Variants in CNTNAP5 observed in about 807,000 individuals in gnomAD.
CNTNAP5 encodes contactin-associated protein-like 5.
CNTNAP5 carries 72 observed loss-of-function variants against 150.2 expected under a neutral mutation model. The observed-to-expected ratio is 0.48, with a 90% CI of 0.40 to 0.58. The LOEUF is 0.58. Among genes scored for constraint, CNTNAP5 ranks in the 20% least tolerant of loss-of-function variants. CNTNAP5 has a pLI of 0.00. For missense variants in CNTNAP5, 1,636 were observed against 1,626.2 expected (o/e 1.01, Z -0.10); for synonymous variants, 672 against 619.8 (o/e 1.08, Z -1.25).
At chr2:124,645,572 C>G (rs1678186476) in intron 12 of CNTNAP5, among the ~76,000 whole-genome samples, 1 of 151,994 alleles carries the variant, frequency 6.6e-6, no homozygotes, top group Non-Finnish European at 1.5e-5. Flanking sequence ...TGTATCTAAA[C>G]AATAAAATAT....
chr2:124,855,318 C>T (rs1365203851), intron 19 of CNTNAP5, among the ~76,000 whole-genome samples: 1 of 151,974 alleles, frequency 6.6e-6, no homozygotes, highest in Non-Finnish European at 1.5e-5. Context: ...GCTGAGATTA[C>T]AGGCATGTGC....
At chr2:124,532,490 G>A (rs1216738190) in intron 10 of CNTNAP5, among the ~76,000 whole-genome samples, 1 of 152,158 alleles carries the variant, frequency 6.6e-6, no homozygotes, top group East Asian at 1.9e-4. Flanking sequence ...AGGAGAGACA[G>A]ATTAGCAAAT....
At chr2:124,310,986 C>G (rs1688814476) in intron 3 of CNTNAP5, among the ~76,000 whole-genome samples, 1 of 152,138 alleles carries the variant, frequency 6.6e-6, no homozygotes, top group Non-Finnish European at 1.5e-5. Context: ...ATGAGACAGT[C>G]TCTGTAAATA....
intron 1 of CNTNAP5, among the ~76,000 whole-genome samples, chr2:124,112,111 T>C (rs1683312219): frequency 6.6e-6 from 1 of 152,232 alleles, no homozygotes. Flanking sequence ...CATAGAGATT[T>C]CTGCTCCATT....
intron 17 of CNTNAP5, among the ~76,000 whole-genome samples, chr2:124,776,509 C>G (rs944376735): frequency 3.3e-5 from 5 of 152,180 alleles, no homozygotes; most frequent in Non-Finnish European, 7.3e-5. Flanking sequence ...GCCAGGCAGG[C>G]TTGGCGTGCA....
chr2:124,591,796 G>A (rs984597010), intron 11 of CNTNAP5, among the ~76,000 whole-genome samples: 2 of 152,074 alleles, frequency 1.3e-5, no homozygotes, highest in African/African-American at 4.8e-5. Flanking sequence ...CTTGTTTATG[G>A]AACAATGTAA....
chr2:124,442,295 G>GTCGGA (rs1692695300), intron 5 of CNTNAP5, among the ~76,000 whole-genome samples: 3 of 152,134 alleles, frequency 2.0e-5, no homozygotes, highest in Non-Finnish European at 4.4e-5. Flanking sequence ...GAAGGGTACA[G>GTCGGA]TGAACAACAA....
At chr2:124,125,447 C>T (rs1558765588) in intron 1 of CNTNAP5, among the ~76,000 whole-genome samples, 1 of 152,170 alleles carries the variant, frequency 6.6e-6, no homozygotes, top group African/African-American at 2.4e-5. Context: ...GACTTAGACT[C>T]CCATGCAATA....
At chr2:124,735,692 T>C (rs1376542772) in intron 13 of CNTNAP5, among the ~76,000 whole-genome samples, 1 of 152,176 alleles carries the variant, frequency 6.6e-6, no homozygotes, top group Non-Finnish European at 1.5e-5. Flanking sequence ...TGTAAAAATA[T>C]TGGGATTTGG....
intron 3 of CNTNAP5, among the ~76,000 whole-genome samples, chr2:124,355,385 C>T (rs955116912): frequency 2.6e-5 from 4 of 152,024 alleles, no homozygotes; most frequent in East Asian, 1.9e-4. Flanking sequence ...CTTTTCTTAC[C>T]CTAAACTTTC....
intron 3 of CNTNAP5, among the ~76,000 whole-genome samples, chr2:124,255,286 A>T (rs1346737161): frequency 6.6e-6 from 1 of 152,090 alleles, no homozygotes; most frequent in South Asian, 2.1e-4. Flanking sequence ...GCACTTTGGG[A>T]GGCCAAGGCA....
intron 11 of CNTNAP5, among the ~76,000 whole-genome samples, chr2:124,567,304 C>T (rs1300551475): frequency 6.6e-6 from 1 of 152,134 alleles, no homozygotes; most frequent in Admixed American, 6.5e-5. Context: ...TATCTTCAGT[C>T]CGTCTTAATT....
intron 16 of CNTNAP5, among the ~76,000 whole-genome samples, chr2:124,768,981 C>T (rs1264426808): frequency 2.0e-5 from 3 of 152,180 alleles, no homozygotes; most frequent in East Asian, 1.9e-4. Context: ...CACATGGACA[C>T]GTAGAAGGCC....
intron 10 of CNTNAP5, among the ~76,000 whole-genome samples, chr2:124,528,551 A>G (rs1274241510): frequency 1.3e-5 from 2 of 152,186 alleles, no homozygotes; most frequent in Non-Finnish European, 2.9e-5. Context: ...TGAATTGGCA[A>G]TATCTATTTT....
intron 3 of CNTNAP5, among the ~76,000 whole-genome samples, chr2:124,279,531 A>AAT (rs1687963767): frequency 6.6e-6 from 1 of 151,882 alleles, no homozygotes; most frequent in African/African-American, 2.4e-5. Flanking sequence ...AAACCTCACC[A>AAT]ATATCCATAT....
At chr2:124,355,596 C>A (rs1030899102) in intron 3 of CNTNAP5, among the ~76,000 whole-genome samples, 1 of 152,136 alleles carries the variant, frequency 6.6e-6, no homozygotes, top group Admixed American at 6.6e-5. Flanking sequence ...CTTCATTTTG[C>A]AGGTGAGCCC....
At chr2:124,394,848 A>G (rs1467130685) in intron 3 of CNTNAP5, among the ~76,000 whole-genome samples, 3 of 152,298 alleles carry the variant, frequency 2.0e-5, no homozygotes, top group African/African-American at 7.2e-5. Flanking sequence ...GCTGCCCACC[A>G]GGGAATCTTG....
intron 19 of CNTNAP5, among the ~76,000 whole-genome samples, chr2:124,799,090 G>A (rs896724130): frequency 6.6e-6 from 1 of 152,044 alleles, no homozygotes; most frequent in Non-Finnish European, 1.5e-5. Context: ...CTAGTGATAA[G>A]GTCAATATCA....
chr2:124,615,206 C>T (rs1677470126), intron 12 of CNTNAP5, among the ~76,000 whole-genome samples: 1 of 152,130 alleles, frequency 6.6e-6, no homozygotes, highest in Non-Finnish European at 1.5e-5. Flanking sequence ...AAGAATGTCA[C>T]ATAATTGACT....
Sources: allele counts gnomAD v4.1 joint callset (sites outside exome capture counted in the v4.1 genomes callset), GRCh38; gene constraint gnomAD v4.1.1; transcripts MANE v1.5; gene names NCBI Gene and HGNC (gene_info 2026-07-23, HGNC 2026-07-21).